Variants in MLIP observed in about 807,000 individuals in gnomAD.
The protein encoded by MLIP is muscular LMNA-interacting protein.
In MLIP, 79 loss-of-function variants were observed where a neutral mutation model predicts 84.8. The ratio of observed to expected loss-of-function variants is 0.93; its 90% CI spans 0.78 to 1.12. The LOEUF (loss-of-function observed/expected upper bound fraction) is 1.12. Among genes scored for constraint, MLIP ranks in the 50% most tolerant of loss-of-function variants. MLIP has a pLI of 0.00. For missense variants in MLIP, 1,257 were observed against 1,160.6 expected, an observed-to-expected ratio of 1.08 and a Z score of -1.21; for synonymous variants, 504 against 463.0, an observed-to-expected ratio of 1.09 and a Z score of -1.14.
chr6:54,022,949 C>T (rs1763580666), intron 1 of MLIP, among the ~76,000 whole-genome samples: 1 of 152,030 alleles, frequency 6.6e-6, no homozygotes, highest in African/African-American at 2.4e-5. Flanking sequence ...GGGCGGATCA[C>T]GAGGTCAGGA....
intron 11 of MLIP, chr6:54,216,124 T>C (rs1262858549): frequency 9.2e-6 from 9 of 982,498 alleles, no homozygotes; most frequent in Non-Finnish European, 1.1e-5. Context: ...ACTGCAATGG[T>C]TGAATGAAAT....
upstream of MLIP, among the ~76,000 whole-genome samples, chr6:54,107,396 T>G (rs1053512917): frequency 6.6e-6 from 1 of 152,188 alleles, no homozygotes; most frequent in Admixed American, 6.5e-5. Flanking sequence ...ATATTGTTGA[T>G]GAGATGTCAG....
chr6:54,111,628 G>A (rs570388463), intron 1 of MLIP, 53 bp downstream of exon 1: 9 of 1,511,300 alleles, frequency 6.0e-6, no homozygotes, highest in East Asian at 4.9e-5. Context: ...AGCAGTGTAC[G>A]GTGCTGGTGG....
chr6:54,124,966 A>G, intron 3 of MLIP, 101 bp downstream of exon 3: 1 of 991,186 alleles, frequency 1.0e-6, no homozygotes, highest in African/African-American at 1.6e-5. Context: ...GGCAGACAAA[A>G]CTTTCAAAGA....
chr6:54,172,096 G>T (rs535236823), intron 9 of MLIP, among the ~76,000 whole-genome samples: 2 of 151,568 alleles, frequency 1.3e-5, no homozygotes, highest in Admixed American at 6.6e-5. Context: ...AAAAAGTTTT[G>T]TTACACTTGA....
Position 54,063,721 on chromosome 6 carries a change from C to CGTGTGTGTGT in MLIP, c.63+44656_63+44665dup, listed in dbSNP as rs368630379. 3.1e-4 allele frequency among the ~76,000 whole-genome samples: 44 copies of CGTGTGTGTGT among 143,242 alleles called. 1 individual carries two copies. The South Asian group carries it at 4.8e-3, about 16-fold the overall frequency. The allele number at this position is 143,242 out of a possible 152,430, so 94.0% of individuals were successfully genotyped here. A position where few individuals can be genotyped will look rare whatever the true frequency, so the allele number is the denominator to read the frequency against. Reference sequence around the variant, plus strand: ...GGGGTAGGCAGAACTAGGTCAGTGGCGTGTGTGTGTGTGTGTGTGTGTGTG... The same window carrying CGTGTGTGTGT: ...GGGGTAGGCAGAACTAGGTCAGTGGCGTGTGTGTGTGTGTGTGTGTGTGTGTGTGTGTGTG... On this transcript the variant is annotated intron_variant, in intron 1 of 12. Transcript: ENST00000274897.
chr6:54,093,875 A>C (rs1023726662), intron 1 of MLIP, among the ~76,000 whole-genome samples: 1 of 152,188 alleles, frequency 6.6e-6, no homozygotes, highest in African/African-American at 2.4e-5. Context: ...GGTATGGCCC[A>C]CAAAGCCTAA....
At chr6:54,256,545 A>G (rs1783017548) in intron 12 of MLIP, among the ~76,000 whole-genome samples, 1 of 152,162 alleles carries the variant, frequency 6.6e-6, no homozygotes, top group Admixed American at 6.6e-5. Flanking sequence ...ATACCAAAAA[A>G]GGGTAAACAG....
intron 4 of MLIP, among the ~76,000 whole-genome samples, chr6:54,143,682 A>G (rs546179766): frequency 6.6e-6 from 1 of 152,288 alleles, no homozygotes; most frequent in Non-Finnish European, 1.5e-5. Flanking sequence ...TGGTGGAAGG[A>G]GGTCTTTAAT....
intron 1 of MLIP, among the ~76,000 whole-genome samples, chr6:54,053,273 T>C (rs1380102509): frequency 2.0e-5 from 3 of 152,194 alleles, no homozygotes; most frequent in Admixed American, 2.0e-4. Flanking sequence ...AAATGTCAGC[T>C]ATTTCACAAG....
chr6:54,071,624 A>T (rs1474261628), intron 1 of MLIP, among the ~76,000 whole-genome samples: 2 of 152,212 alleles, frequency 1.3e-5, no homozygotes, highest in Non-Finnish European at 1.5e-5. Flanking sequence ...AATTCAAAGA[A>T]GTTTCAAAAA....
chr6:54,109,016 T>C (rs1769222589), upstream of MLIP, among the ~76,000 whole-genome samples: 1 of 148,990 alleles, frequency 6.7e-6, no homozygotes, highest in African/African-American at 2.4e-5. Context: ...CCCTTTGGTG[T>C]TTTGATTTAT....
Position 54,070,779 on chromosome 6 carries a change from A to G in MLIP, c.64-50668A>G, listed in dbSNP as rs1582071195. ...TACAAGATTCAGAAATAGTTCTAAG[A>G]ACTATTATAATTTCAAAGTAGTAAT... is the stretch of plus-strand genomic sequence containing the variant. On this transcript the variant is annotated intron_variant, in intron 1 of 12. Coordinates refer to the MLIP transcript ENST00000274897. 2.6e-5 allele frequency among the ~76,000 whole-genome samples: 4 copies of G among 152,142 alleles called. No homozygotes were observed. In the East Asian group the frequency reaches 7.7e-4, roughly 29 times the overall value.
At chr6:54,116,277 C>A (rs1331941853) in intron 1 of MLIP, among the ~76,000 whole-genome samples, 2 of 151,984 alleles carry the variant, frequency 1.3e-5, no homozygotes, top group South Asian at 2.1e-4. Context: ...GTTACTCTGA[C>A]AAGAAGGGAC....
intron 11 of MLIP, among the ~76,000 whole-genome samples, chr6:54,218,451 G>A (rs1226704819): frequency 6.6e-6 from 1 of 152,186 alleles, no homozygotes; most frequent in Non-Finnish European, 1.5e-5. Flanking sequence ...TGAGTGGTGA[G>A]TATATGTGAA....
chr6:54,095,669 G>A (rs1424240259), intron 1 of MLIP, among the ~76,000 whole-genome samples: 1 of 152,176 alleles, frequency 6.6e-6, no homozygotes, highest in African/African-American at 2.4e-5. Context: ...ACAAGGGGAA[G>A]AGAGAAATTA....
chr6:54,256,886 G>C (rs942270489), intron 12 of MLIP, among the ~76,000 whole-genome samples: 1 of 152,114 alleles, frequency 6.6e-6, no homozygotes, highest in Non-Finnish European at 1.5e-5. Context: ...CTTACCGTGG[G>C]TCTGAACATG....
intron 1 of MLIP, among the ~76,000 whole-genome samples, chr6:54,045,038 C>T (rs1185533176): frequency 6.6e-6 from 1 of 152,092 alleles, no homozygotes; most frequent in African/African-American, 2.4e-5. Context: ...TATGATATCT[C>T]TTCCTTCAGT....
rs145405466 is a variant in MLIP at position 54,175,709 on chromosome 6, T to G, written c.2544+6137T>G. The stretch of plus-strand genomic sequence containing the variant: ...CATCTGCAAACAAGGATAATTTGAC[T>G]TCTTTCTTTCCAATTTAGGTGCCCT... On this transcript the variant is annotated intron_variant, in intron 9 of 13. Coordinates refer to ENST00000502396, the MANE Select transcript of MLIP (RefSeq NM_001281747.2). Among the ~76,000 whole-genome samples the G allele has an allele frequency of 2.1e-3, 318 of 152,194 alleles. 2 individuals are homozygous for G. Among genetic ancestry groups the G allele is most frequent in the African/African-American group, 7.3e-3 (304 of 41,550 alleles).
Sources: gnomAD v4.1 joint callset for allele counts (sites outside exome capture counted in the v4.1 genomes callset) on GRCh38, gnomAD v4.1.1 for gene constraint, MANE v1.5 for transcripts, NCBI Gene and HGNC (gene_info 2026-07-23, HGNC 2026-07-21) for gene names.